The following SPG21 variants were observed in gnomAD, a reference collection of about 807,000 sequenced individuals.
SPG21 encodes the protein SPG21 abhydrolase domain containing, maspardin.
In SPG21, 26 loss-of-function variants were observed where a neutral mutation model predicts 38.9. That is an observed-to-expected ratio of 0.67 (90% CI 0.49 to 0.93). The LOEUF (loss-of-function observed/expected upper bound fraction) is 0.93. SPG21 is among the 40% of genes least tolerant of loss of function. The pLI is 0.00. For missense variants in SPG21, 333 were observed against 376.5 expected (o/e 0.88, Z 0.96); for synonymous variants, 136 against 128.9 (o/e 1.05, Z -0.37).
chr15:64,969,576 C>A (rs996109069), intron 6 of SPG21, among the ~76,000 whole-genome samples: 15 of 152,120 alleles, frequency 9.9e-5, no homozygotes, highest in Non-Finnish European at 1.9e-4. Flanking sequence ...TGGGTACAAA[C>A]CAATGAAACC....
chr15:64,969,692 T>TG (rs1226042521), intron 6 of SPG21, among the ~76,000 whole-genome samples: 47,746 of 150,094 alleles, frequency 0.32, 8,533 homozygotes, highest in South Asian at 0.48. Flanking sequence ...TTTTTGTTTT[T>TG]TTTTTTTTTT....
chr15:64,978,547 G>A (rs549315511), intron 3 of SPG21, among the ~76,000 whole-genome samples: 3 of 152,236 alleles, frequency 2.0e-5, no homozygotes, highest in East Asian at 3.9e-4. Flanking sequence ...ATGAATCACT[G>A]GAATGGATAC....
At chr15:64,975,287 T>TAA (rs35446656) in intron 4 of SPG21, among the ~76,000 whole-genome samples, 2 of 80,422 alleles carry the variant, frequency 2.5e-5, no homozygotes, top group African/African-American at 1.1e-4. Flanking sequence ...GACTCCGTCT[T>TAA]AAAAAAAAAA....
At chr15:64,981,779 C>T (rs1298499135) in intron 2 of SPG21, among the ~76,000 whole-genome samples, 1 of 151,896 alleles carries the variant, frequency 6.6e-6, no homozygotes, top group Non-Finnish European at 1.5e-5. Context: ...TTCACGGCAT[C>T]CTAGTTTAAT....
At chr15:64,969,738 G>C (rs2085623259) in intron 6 of SPG21, among the ~76,000 whole-genome samples, 1 of 146,318 alleles carries the variant, frequency 6.8e-6, no homozygotes, top group Non-Finnish European at 1.5e-5. Flanking sequence ...AAAGAGATTT[G>C]AGAAATCATC....
chr15:64,977,150 C>T (rs1408922619), intron 3 of SPG21, among the ~76,000 whole-genome samples: 1 of 152,024 alleles, frequency 6.6e-6, no homozygotes, highest in African/African-American at 2.4e-5. Context: ...ATGCCACCTC[C>T]GCCTCCCGGG....
intron 4 of SPG21, among the ~76,000 whole-genome samples, chr15:64,975,866 C>T (rs1000284519): frequency 6.6e-6 from 1 of 152,064 alleles, no homozygotes; most frequent in Non-Finnish European, 1.5e-5. Context: ...AAAAAGACCA[C>T]ATATGATACG....
At chr15:64,986,916 ATCTAT>A (rs1023391615) in intron 1 of SPG21, among the ~76,000 whole-genome samples, 4 of 152,160 alleles carry the variant, frequency 2.6e-5, no homozygotes, top group Non-Finnish European at 5.9e-5. Flanking sequence ...ATTAGAAACA[ATCTAT>A]TCTAAAGGAG....
chr15:64,981,135 C>A, intron 2 of SPG21, 110 bp from the exon 3 acceptor site: 1 of 1,346,198 alleles, frequency 7.4e-7, no homozygotes, highest in Non-Finnish European at 1.0e-6. Context: ...TTGTTTGTTA[C>A]AAGGTAACCT....
At chr15:64,964,406 A>G (rs1194693649) in intron 8 of SPG21, among the ~76,000 whole-genome samples, 1 of 152,082 alleles carries the variant, frequency 6.6e-6, no homozygotes, top group African/African-American at 2.4e-5. Flanking sequence ...CTGGGCATCA[A>G]GTATTCCTGT....
rs553687816 is a variant in SPG21, at chr15:64,983,652, T to C, written c.-24-59A>G. The C allele has an allele frequency of 7.8e-5, 83 of 1,063,756 alleles. 1 individual carries two copies. The South Asian group carries it at 1.1e-3, about 14-fold the overall frequency. 65.9% of individuals were successfully genotyped at this position (1,063,756 alleles called of 1,614,324 possible). The stretch of plus-strand genomic sequence containing the variant: ...AATTCATGTTTACATCAGAACTAAA[T>C]GTAGAGTCTCATCTAGCTATACCAA... On this transcript the variant is annotated intron_variant, in intron 1 of 8. Coordinates refer to ENST00000204566, the MANE Select transcript of SPG21 (RefSeq NM_016630.7).
intron 5 of SPG21, among the ~76,000 whole-genome samples, chr15:64,971,842 A>T (rs1034314249): frequency 1.3e-5 from 2 of 151,592 alleles, no homozygotes; most frequent in South Asian, 2.1e-4. Flanking sequence ...AAAAAAGAAA[A>T]TTTTTTTTCT....
At chr15:64,974,397 C>T (rs532501034) in intron 5 of SPG21, among the ~76,000 whole-genome samples, 1 of 152,160 alleles carries the variant, frequency 6.6e-6, no homozygotes, top group Non-Finnish European at 1.5e-5. Flanking sequence ...ATCGCTTGAG[C>T]CTGGGAAATA....
chr15:64,981,309 A>C (rs536124488), intron 2 of SPG21: 115 of 303,746 alleles, frequency 3.8e-4, no homozygotes, highest in Non-Finnish European at 5.8e-4. Context: ...TTTTTTTTTG[A>C]GACAGAGTCT....
intron 6 of SPG21, 131 bp downstream of exon 6, chr15:64,969,983 T>A: frequency 1.2e-6 from 1 of 826,770 alleles, no homozygotes; most frequent in Admixed American, 1.7e-5. Context: ...CAATAATATC[T>A]GCTCAGATGT....
At chr15:64,973,455 T>A (rs1279548818) in intron 5 of SPG21, among the ~76,000 whole-genome samples, 1 of 151,788 alleles carries the variant, frequency 6.6e-6, no homozygotes, top group Admixed American at 6.6e-5. Context: ...TTGTTTTTGG[T>A]TTGTTTTTTT....
chr15:64,965,569 A>G (rs1315454651), intron 7 of SPG21, 109 bp from the exon 8 acceptor site: 10 of 1,511,324 alleles, frequency 6.6e-6, no homozygotes, highest in South Asian at 1.1e-5. Context: ...CATTATGGAA[A>G]TGTTACCCTA....
At chr15:64,987,777 A>G (rs2086024522) in intron 1 of SPG21, among the ~76,000 whole-genome samples, 1 of 152,130 alleles carries the variant, frequency 6.6e-6, no homozygotes, top group African/African-American at 2.4e-5. Context: ...GCTCACGCCT[A>G]TAATCCCAGC....
At chr15:64,982,651 C>T (rs1331180630) in intron 2 of SPG21, among the ~76,000 whole-genome samples, 1 of 152,220 alleles carries the variant, frequency 6.6e-6, no homozygotes, top group African/African-American at 2.4e-5. Context: ...TACTCAGTGA[C>T]TTGAACTGCC....
Sources: allele counts gnomAD v4.1 joint callset (sites outside exome capture counted in the v4.1 genomes callset), GRCh38; gene constraint gnomAD v4.1.1; transcripts MANE v1.5; gene names NCBI Gene and HGNC (gene_info 2026-07-23, HGNC 2026-07-21).